CSMD1: variants seen among roughly 807,000 people sequenced by gnomAD.
The protein encoded by CSMD1 is CUB and sushi domain-containing protein 1.
A neutral mutation model predicts 417.5 loss-of-function variants in CSMD1; 213 were observed. The ratio of observed to expected loss-of-function variants is 0.51; its 90% CI spans 0.46 to 0.57. The LOEUF (loss-of-function observed/expected upper bound fraction) is 0.57. CSMD1 is among the 20% of genes least tolerant of loss of function. CSMD1 has a pLI of 0.00. For synonymous variants in CSMD1, 2,862 were observed against 1,736.8 expected, an observed-to-expected ratio of 1.65 and a Z score of -16.11; for missense variants, 6,923 against 4,529.7, an observed-to-expected ratio of 1.53 and a Z score of -15.17.
At chr8:3,253,886 T>C (rs181325724) in intron 26 of CSMD1, among the ~76,000 whole-genome samples, 16 of 152,360 alleles carry the variant, frequency 1.1e-4, no homozygotes. Flanking sequence ...TTAAGGTTTA[T>C]ATTGTTATGT....
chr8:4,133,060 T>G (rs878985128), intron 3 of CSMD1, among the ~76,000 whole-genome samples: 1 of 152,082 alleles, frequency 6.6e-6, no homozygotes, highest in Non-Finnish European at 1.5e-5. Flanking sequence ...CTCAGCCTCT[T>G]GAGTAGTTGG....
intron 2 of CSMD1, among the ~76,000 whole-genome samples, chr8:4,528,926 T>A (rs1037361660): frequency 6.6e-6 from 1 of 152,060 alleles, no homozygotes; most frequent in Non-Finnish European, 1.5e-5. Flanking sequence ...GTTCAAGGAG[T>A]CATCTAAAAT....
chr8:3,586,559 G>T (rs1006759720), intron 8 of CSMD1, among the ~76,000 whole-genome samples: 1 of 152,138 alleles, frequency 6.6e-6, no homozygotes, highest in African/African-American at 2.4e-5. Flanking sequence ...TCACTGAATA[G>T]TGTGGCTTTA....
chr8:3,752,654 C>G (rs1488037338), intron 6 of CSMD1, among the ~76,000 whole-genome samples: 1 of 140,370 alleles, frequency 7.1e-6, no homozygotes, highest in African/African-American at 2.7e-5. Flanking sequence ...ACTCTGTCCA[C>G]TGCCACCCAC....
intron 4 of CSMD1, among the ~76,000 whole-genome samples, chr8:4,004,106 A>G (rs1476325787): frequency 1.3e-5 from 2 of 152,204 alleles, no homozygotes; most frequent in African/African-American, 2.4e-5. Flanking sequence ...ATCTACGTTA[A>G]GCTGTATACA....
At position 3,067,052 on chromosome 8, in the gene CSMD1, T is replaced by C. The variant is rs73657553; in HGVS notation, c.7475-14405A>G. 9.5e-3 allele frequency among the ~76,000 whole-genome samples: 1,438 copies of C among 150,678 alleles called. 30 individuals are homozygous for C. The highest frequency in any genetic ancestry group is 0.033 in the African/African-American group (1,367 of 41,450). On this transcript the variant is annotated intron_variant, in intron 49 of 69. Transcript: ENST00000635120. ...CCTCCTTCAACCTCATCTCTTTCGC[T>C]CAGCCTGTGCCAGGTGCTAAGCCTG...
intron 11 of CSMD1, among the ~76,000 whole-genome samples, chr8:3,485,796 A>ATAAAG (rs1333473611): frequency 8.7e-5 from 13 of 149,200 alleles, no homozygotes; most frequent in African/African-American, 2.7e-4. Flanking sequence ...ATAAAATAAA[A>ATAAAG]TAAAATAAAA....
chr8:4,680,122 G>A (rs140467017), intron 1 of CSMD1, among the ~76,000 whole-genome samples: 57 of 152,250 alleles, frequency 3.7e-4, no homozygotes, highest in African/African-American at 1.3e-3. Flanking sequence ...CACAGTATTT[G>A]GTAAAAGGAC....
intron 65 of CSMD1, among the ~76,000 whole-genome samples, chr8:2,951,584 T>C (rs1320551070): frequency 1.3e-5 from 2 of 152,210 alleles, no homozygotes; most frequent in Non-Finnish European, 2.9e-5. Flanking sequence ...CTGGTACTTC[T>C]AATGCTAGTT....
intron 49 of CSMD1, among the ~76,000 whole-genome samples, chr8:3,077,438 G>A (rs1203303711): frequency 6.6e-6 from 1 of 152,184 alleles, no homozygotes; most frequent in East Asian, 1.9e-4. Flanking sequence ...CATCGATGTG[G>A]TCTACATGGA....
At chr8:3,917,571 T>G (rs1487883338) in intron 5 of CSMD1, among the ~76,000 whole-genome samples, 1 of 151,432 alleles carries the variant, frequency 6.6e-6, no homozygotes, top group African/African-American at 2.4e-5. Context: ...TGCAAAATAT[T>G]TGCAACTAGT....
intron 7 of CSMD1, among the ~76,000 whole-genome samples, chr8:3,618,372 C>A (rs1269413758): frequency 1.3e-5 from 2 of 152,084 alleles, no homozygotes; most frequent in Non-Finnish European, 2.9e-5. Context: ...AATACAAATT[C>A]TATTGAATAT....
At chr8:3,537,701 C>T (rs1798262415) in intron 10 of CSMD1, among the ~76,000 whole-genome samples, 1 of 152,144 alleles carries the variant, frequency 6.6e-6, no homozygotes, top group Non-Finnish European at 1.5e-5. Flanking sequence ...TTGCAAAAAT[C>T]ATATATCACT....
chr8:4,285,736 G>C (rs560411129), intron 3 of CSMD1, among the ~76,000 whole-genome samples: 2 of 152,256 alleles, frequency 1.3e-5, no homozygotes, highest in African/African-American at 2.4e-5. Context: ...TTCTCATCCT[G>C]TTAGGAACTT....
At chr8:3,467,970 T>C (rs1816875611) in intron 12 of CSMD1, among the ~76,000 whole-genome samples, 1 of 152,232 alleles carries the variant, frequency 6.6e-6, no homozygotes, top group Non-Finnish European at 1.5e-5. Context: ...TATTCTCATT[T>C]TTACCTAAAC....
intron 3 of CSMD1, among the ~76,000 whole-genome samples, chr8:4,053,022 G>C (rs1016258087): frequency 6.6e-6 from 1 of 152,228 alleles, no homozygotes; most frequent in East Asian, 1.9e-4. Context: ...TTTAGCAAAG[G>C]GTAACAATTG....
chr8:4,212,045 T>G (rs1278471537), intron 3 of CSMD1, among the ~76,000 whole-genome samples: 1 of 152,026 alleles, frequency 6.6e-6, no homozygotes, highest in Non-Finnish European at 1.5e-5. Flanking sequence ...AAAAGGACCT[T>G]AATAATTCCT....
At position 3,438,047 on chromosome 8, in the gene CSMD1, G is replaced by T. The variant is rs142404454; in HGVS notation, c.1562-28442C>A. Reference sequence around the variant, plus strand: ...AAAATAGAGGTTTTTGTACAAATAAGAATTAAGTATCCATAGAATTTACCC... The same window carrying T: ...AAAATAGAGGTTTTTGTACAAATAATAATTAAGTATCCATAGAATTTACCC... On this transcript the variant is annotated intron_variant, in intron 12 of 69. Transcript: ENST00000635120. Among the ~76,000 whole-genome samples the T allele has an allele frequency of 1.4e-4, 22 of 152,208 alleles. No homozygotes were observed. The East Asian group carries it at 4.1e-3, about 28-fold the overall frequency.
At chr8:4,133,152 G>A (rs551096362) in intron 3 of CSMD1, among the ~76,000 whole-genome samples, 1 of 152,094 alleles carries the variant, frequency 6.6e-6, no homozygotes, top group African/African-American at 2.4e-5. Flanking sequence ...TGGCCAGGCT[G>A]GTCTCAAACT....
Sources: gnomAD v4.1 joint callset for allele counts (sites outside exome capture counted in the v4.1 genomes callset) on GRCh38, gnomAD v4.1.1 for gene constraint, MANE v1.5 for transcripts, NCBI Gene and HGNC (gene_info 2026-07-23, HGNC 2026-07-21) for gene names.